The following WDR26 variants were observed in gnomAD, a reference collection of about 807,000 sequenced individuals.
The protein encoded by WDR26 is WD repeat domain 26.
In WDR26, 5 loss-of-function variants were observed where a neutral mutation model predicts 84.1. The ratio of observed to expected loss-of-function variants is 0.06; its 90% CI spans 0.03 to 0.13. The LOEUF is 0.13. WDR26 is among the 10% of genes least tolerant of loss of function. The probability of loss-of-function intolerance (pLI) is 1.00; values close to 1 mark genes in which losing one functional copy is unlikely to be tolerated. For missense variants in WDR26, 642 were observed against 974.9 expected (o/e 0.66, Z 4.55); for synonymous variants, 415 against 389.6 (o/e 1.07, Z -0.77).
intron 3 of WDR26, among the ~76,000 whole-genome samples, chr1:224,426,349 A>G (rs992087728): frequency 6.6e-6 from 1 of 152,038 alleles, no homozygotes; most frequent in Admixed American, 6.6e-5. Context: ...GCAATAATAA[A>G]CCCTCTCATA....
At chr1:224,390,195 C>T (rs1391374399) in intron 13 of WDR26, among the ~76,000 whole-genome samples, 2 of 152,188 alleles carry the variant, frequency 1.3e-5, no homozygotes, top group Non-Finnish European at 2.9e-5. Flanking sequence ...TTTGGGCTCA[C>T]TGCAACCTCT....
intron 3 of WDR26, chr1:224,429,669 T>C (rs962582385): frequency 7.9e-5 from 12 of 152,212 alleles, no homozygotes; most frequent in African/African-American, 2.9e-4. Context: ...TTTGATGGCA[T>C]GAGGCTCAGC....
At chr1:224,426,139 TGA>T (rs1322496892) in intron 3 of WDR26, among the ~76,000 whole-genome samples, 1 of 152,136 alleles carries the variant, frequency 6.6e-6, no homozygotes, top group African/African-American at 2.4e-5. Flanking sequence ...ATTACAGGCA[TGA>T]GACACCGCAC....
intron 7 of WDR26, among the ~76,000 whole-genome samples, chr1:224,407,970 G>C (rs937135952): frequency 5.9e-5 from 9 of 152,104 alleles, no homozygotes; most frequent in African/African-American, 2.4e-5. Flanking sequence ...TGGAATGTAA[G>C]CATTAACTCT....
At chr1:224,396,751 G>A (rs746924024) in intron 12 of WDR26, among the ~76,000 whole-genome samples, 12 of 152,158 alleles carry the variant, frequency 7.9e-5, no homozygotes, top group Non-Finnish European at 1.6e-4. Context: ...TTGAGCTCAG[G>A]AATTCAAGAC....
Position 224,431,584 on chromosome 1 carries a change from G to A in WDR26, c.823-3C>T, listed in dbSNP as rs772619445. 1.2e-6 allele frequency: 2 copies of A among 1,612,296 alleles called. No homozygotes were observed. The highest frequency in any genetic ancestry group is 1.7e-5 in the Admixed American group (1 of 59,754). On this transcript the variant is annotated splice_region_variant and splice_polypyrimidine_tract_variant and intron_variant, in intron 2 of 13. Transcript: ENST00000414423. ...AGTTCATTCAGGTCATTTTCTGCCT[G>A]TAAAAATTGGTATAAAAGAAAAACA...
At chr1:224,408,080 G>C (rs1287233129) in intron 7 of WDR26, among the ~76,000 whole-genome samples, 2 of 152,092 alleles carry the variant, frequency 1.3e-5, no homozygotes, top group East Asian at 3.9e-4. Context: ...GGAAACACTG[G>C]CATAAGAGTC....
chr1:224,434,461 TCGGGGTGAGGGGGGCCGGGGAGGCGGGGA>T lies in WDR26; in HGVS notation c.-85_-57del. The T allele has an allele frequency of 1.5e-5, 1 of 66,326 alleles. No individual in the cohort carries two copies. Among genetic ancestry groups the T allele is most frequent in the Non-Finnish European group, 2.5e-5 (1 of 39,722 alleles). 4.1% of individuals were successfully genotyped at this position (66,326 alleles called of 1,614,324 possible). ...GGGGAGGCGGGGGCCGGGGAGAGGG[TCGGGGTGAGGGGGGCCGGGGAGGCGGGGA>T]GGGGGTCAGGGTAGGAGGGTGAGGG... On this transcript the variant is annotated 5_prime_UTR_variant, in exon 1 of 14. Transcript: ENST00000414423.
intron 3 of WDR26, among the ~76,000 whole-genome samples, chr1:224,427,323 A>T (rs972323547): frequency 4.0e-5 from 6 of 151,382 alleles, no homozygotes; most frequent in African/African-American, 1.5e-4. Context: ...CTTAATATTT[A>T]TTTTTTTTGG....
chr1:224,398,307 C>T, intron 11 of WDR26, 81 bp from the exon 12 acceptor site: 2 of 1,512,172 alleles, frequency 1.3e-6, no homozygotes, highest in Non-Finnish European at 1.8e-6. Flanking sequence ...TATCCCTTTG[C>T]CTGATGAAAT....
chr1:224,419,404 TA>T, intron 5 of WDR26, 113 bp downstream of exon 5: 1 of 828,936 alleles, frequency 1.2e-6, no homozygotes, highest in Non-Finnish European at 2.0e-6. Context: ...CTCCCTCTTC[TA>T]AGCACTCAAT....
intron 3 of WDR26, chr1:224,429,660 T>G (rs1031564159): frequency 6.6e-6 from 1 of 152,188 alleles, no homozygotes; most frequent in African/African-American, 2.4e-5. Flanking sequence ...CCTAAACAGT[T>G]TGATGGCATG....
At chr1:224,410,018 C>T (rs375764256) in intron 7 of WDR26, among the ~76,000 whole-genome samples, 8 of 151,940 alleles carry the variant, frequency 5.3e-5, no homozygotes, top group Non-Finnish European at 1.0e-4. Flanking sequence ...TAGTGGCTCA[C>T]GCCTGTAATC....
rs1572209243 is a variant in WDR26 at position 224,424,619 on chromosome 1, T to C, written c.963A>G (p.Leu321=). Reference sequence around the variant, plus strand: ...GGACCTTGCCATCCTCCAGGTATTCTAGGTACTTCTGCTGCAGCAGCAAAA... The same window carrying C: ...GGACCTTGCCATCCTCCAGGTATTCCAGGTACTTCTGCTGCAGCAGCAAAA... Residue 321 remains leucine (L), a synonymous_variant, in exon 4 of 14, where the codon CTA becomes CTG. Transcript: ENST00000414423. 3 of 1,614,044 alleles carry C rather than the reference T, an allele frequency of 1.9e-6. No homozygotes were observed. The highest frequency in any genetic ancestry group is 1.3e-5 in the African/African-American group (1 of 74,930).
At chr1:224,410,642 T>C (rs1673710391) in intron 7 of WDR26, among the ~76,000 whole-genome samples, 1 of 151,496 alleles carries the variant, frequency 6.6e-6, no homozygotes, top group South Asian at 2.1e-4. Flanking sequence ...GAGTAATGAG[T>C]CTTTTCTAAC....
At position 224,434,202 on chromosome 1, in the gene WDR26, C is replaced by T; in HGVS notation, c.204G>A (p.Val68=). 2.9e-6 allele frequency: 4 copies of T among 1,397,220 alleles called. No individual in the cohort carries two copies. Among genetic ancestry groups the T allele is most frequent in the Non-Finnish European group, 3.7e-6 (4 of 1,081,792 alleles). The allele number at this position is 1,397,220 out of a possible 1,614,324, so 86.6% of individuals were successfully genotyped here. A position where few individuals can be genotyped will look rare whatever the true frequency, so the allele number is the denominator to read the frequency against. Residue 68 remains valine, a synonymous_variant, in exon 1 of 14, where the codon GTG becomes GTA. Transcript: ENST00000414423. Reference sequence around the variant, plus strand: ...CCGGGGGAAGTCCCACCACTACCACCACGGAGGAGGAGGAGGAGGAGGAGG... The same window carrying T: ...CCGGGGGAAGTCCCACCACTACCACTACGGAGGAGGAGGAGGAGGAGGAGG...
chr1:224,416,505 C>G (rs748788371), intron 6 of WDR26, among the ~76,000 whole-genome samples: 2 of 152,196 alleles, frequency 1.3e-5, no homozygotes, highest in Non-Finnish European at 2.9e-5. Flanking sequence ...GGATTACAGG[C>G]GTGAGCCACC....
intron 12 of WDR26, 55 bp downstream of exon 12, chr1:224,398,042 T>G: frequency 2.5e-6 from 4 of 1,576,724 alleles, no homozygotes; most frequent in South Asian, 1.2e-5. Flanking sequence ...CTTCATAAAT[T>G]GAGATTTACA....
intron 12 of WDR26, 113 bp downstream of exon 12, chr1:224,397,984 G>C: frequency 7.7e-7 from 1 of 1,304,612 alleles, no homozygotes; most frequent in Non-Finnish European, 1.0e-6. Context: ...TTGGATAAAT[G>C]AAAGAATTTT....
Sources: gnomAD v4.1 joint callset for allele counts (sites outside exome capture counted in the v4.1 genomes callset) on GRCh38, gnomAD v4.1.1 for gene constraint, MANE v1.5 for transcripts, NCBI Gene and HGNC (gene_info 2026-07-23, HGNC 2026-07-21) for gene names.